Variants in PRMT8 observed in about 807,000 individuals in gnomAD.
PRMT8 encodes protein arginine methyltransferase 8, also known as protein arginine N-methyltransferase 8.
PRMT8 carries 7 observed loss-of-function variants against 47.1 expected under a neutral mutation model. The ratio of observed to expected loss-of-function variants is 0.15; its 90% CI spans 0.08 to 0.28. The LOEUF (loss-of-function observed/expected upper bound fraction) is 0.28, where lower values mean the gene tolerates loss of function less well. Among genes scored for constraint, PRMT8 ranks in the 10% least tolerant of loss-of-function variants. The pLI, the probability that PRMT8 is intolerant of heterozygous loss-of-function variation, is 1.00. For synonymous variants in PRMT8, 188 were observed against 186.5 expected (o/e 1.01, Z -0.07); for missense variants, 237 against 505.4 (o/e 0.47, Z 5.09).
At chr12:3,426,499 T>C (rs1223932891) in intron 1 of PRMT8, among the ~76,000 whole-genome samples, 5 of 152,180 alleles carry the variant, frequency 3.3e-5, no homozygotes, top group African/African-American at 1.2e-4. Flanking sequence ...TCTCCCTGGA[T>C]TAAATGGTCC....
intron 1 of PRMT8, among the ~76,000 whole-genome samples, chr12:3,430,981 G>A (rs1864669883): frequency 6.6e-6 from 1 of 152,218 alleles, no homozygotes; most frequent in South Asian, 2.1e-4. Context: ...GTGCCAGGCA[G>A]GTGTGCTGGA....
Position 3,557,777 on chromosome 12 carries a change from G to A in PRMT8, c.481+4063G>A, listed in dbSNP as rs866908537. On this transcript the variant is annotated intron_variant, in intron 4 of 9. Coordinates refer to ENST00000382622, the MANE Select transcript of PRMT8 (RefSeq NM_019854.5). The surrounding 1 kb of genome is among the most constrained non-coding windows in gnomAD (Gnocchi z 4.7). ...GCTAAGGTGTGTTTGTGTGGATGCAGAAGCACCAGGAGTGCTGCTGAGCCT... is the reference window on the plus strand; with the variant it reads ...GCTAAGGTGTGTTTGTGTGGATGCAAAAGCACCAGGAGTGCTGCTGAGCCT... 1.3e-5 allele frequency among the ~76,000 whole-genome samples: 2 copies of A among 152,254 alleles called. No homozygotes were observed. The highest frequency in any genetic ancestry group is 3.4e-3 in the Middle Eastern group (1 of 294).
chr12:3,525,073 T>G (rs1385832169), intron 1 of PRMT8, among the ~76,000 whole-genome samples: 2 of 151,866 alleles, frequency 1.3e-5, no homozygotes, highest in Non-Finnish European at 2.9e-5. Flanking sequence ...AATACAAAAA[T>G]TAGCTGGGTG....
At chr12:3,519,581 G>C (rs910785539) in intron 1 of PRMT8, among the ~76,000 whole-genome samples, 1 of 152,188 alleles carries the variant, frequency 6.6e-6, no homozygotes, top group African/African-American at 2.4e-5. Context: ...TGAGGTGGGG[G>C]TAGAAAGCAT....
At chr12:3,521,178 G>A (rs564437303) in intron 1 of PRMT8, among the ~76,000 whole-genome samples, 2 of 152,330 alleles carry the variant, frequency 1.3e-5, no homozygotes, top group East Asian at 3.9e-4. Context: ...CCTGATGGGA[G>A]AGAACTAATA....
intron 1 of PRMT8, among the ~76,000 whole-genome samples, chr12:3,441,451 G>C (rs115540954): frequency 0.012 from 1,811 of 152,230 alleles, 36 homozygotes; most frequent in African/African-American, 0.042. Flanking sequence ...CTTTGCACTT[G>C]CTGTTCCTTC....
chr12:3,530,126 T>C lies in PRMT8; in HGVS notation c.76-10480T>C, dbSNP rs1188556481. On this transcript the variant is annotated intron_variant, in intron 1 of 9. Coordinates refer to ENST00000382622, the MANE Select transcript of PRMT8 (RefSeq NM_019854.5). ...GAGTACCACTGAACCCTCCAAAGAG[T>C]ATTGAGTATTATTGAGATTCTGATG... Among the ~76,000 whole-genome samples the C allele has an allele frequency of 4.6e-5, 7 of 151,980 alleles. No individual in the cohort carries two copies. In the East Asian group the frequency reaches 1.4e-3, roughly 29 times the overall value.
upstream of PRMT8, among the ~76,000 whole-genome samples, chr12:3,489,811 ACACACACACACACACACACACACGCGCG>A (rs986956920): frequency 2.3e-4 from 16 of 69,010 alleles, no homozygotes; most frequent in Admixed American, 1.2e-3. Flanking sequence ...AAGTTTTCAC[ACACACACACACACACACACACACGCGCG>A]CACACACACA....
chr12:3,443,158 T>C (rs764806535), intron 1 of PRMT8, among the ~76,000 whole-genome samples: 47 of 152,326 alleles, frequency 3.1e-4, no homozygotes, highest in Non-Finnish European at 5.7e-4. Context: ...CTACTGCCCT[T>C]GAGGATGACA....
At chr12:3,507,118 CTTTTTT>C (rs72188443) in intron 1 of PRMT8, among the ~76,000 whole-genome samples, 1 of 122,572 alleles carries the variant, frequency 8.2e-6, no homozygotes. Context: ...GGTGGCCTTT[CTTTTTT>C]TTTTTTTTTT....
chr12:3,568,339 G>C (rs560946898), intron 4 of PRMT8, among the ~76,000 whole-genome samples: 2,195 of 128,546 alleles, frequency 0.017, 41 homozygotes, highest in African/African-American at 0.061. Context: ...AGGCACACTT[G>C]GTGTAAATAA....
At chr12:3,449,789 T>C (rs934578946) in intron 1 of PRMT8, among the ~76,000 whole-genome samples, 29 of 152,242 alleles carry the variant, frequency 1.9e-4, no homozygotes, top group Admixed American at 5.9e-4. Flanking sequence ...GTTTTTGTCA[T>C]GAAATCTTTG....
rs182165236 is a variant in PRMT8, at chr12:3,570,333, A to G, written c.712+769A>G. 2.0e-5 allele frequency among the ~76,000 whole-genome samples: 3 copies of G among 152,274 alleles called. No homozygotes were observed. The highest frequency in any genetic ancestry group is 4.2e-4 in the South Asian group (2 of 4,818). ...CTGATCCTTAATGAGATTATACCAA[A>G]CATGTTTTTGTAAAGTTGAACATGG... On this transcript the variant is annotated intron_variant, in intron 6 of 9. Coordinates refer to ENST00000382622, the MANE Select transcript of PRMT8 (RefSeq NM_019854.5). The surrounding 1 kb of genome is among the most constrained non-coding windows in gnomAD (Gnocchi z 5.5).
At chr12:3,589,048 A>G (rs1867241452) in intron 8 of PRMT8, among the ~76,000 whole-genome samples, 1 of 152,246 alleles carries the variant, frequency 6.6e-6, no homozygotes, top group African/African-American at 2.4e-5. Context: ...GACCAGAGCC[A>G]TAGTTGATGG....
intron 1 of PRMT8, among the ~76,000 whole-genome samples, chr12:3,521,718 G>T (rs1865883901): frequency 6.6e-6 from 1 of 152,172 alleles, no homozygotes; most frequent in African/African-American, 2.4e-5. Flanking sequence ...CTGAGTTAAG[G>T]CCATTTCAAA....
chr12:3,545,894 C>G (rs1235763241), intron 2 of PRMT8, among the ~76,000 whole-genome samples: 1 of 152,202 alleles, frequency 6.6e-6, no homozygotes, highest in Non-Finnish European at 1.5e-5. Context: ...CATTTCATCC[C>G]CAAACTACAG....
At chr12:3,584,730 G>A (rs577810019) in intron 8 of PRMT8, among the ~76,000 whole-genome samples, 1 of 152,272 alleles carries the variant, frequency 6.6e-6, no homozygotes, top group East Asian at 1.9e-4. Flanking sequence ...ATCCATAGAT[G>A]CCTCTTTTTT....
intron 1 of PRMT8, among the ~76,000 whole-genome samples, chr12:3,458,660 G>A (rs1865002536): frequency 6.6e-6 from 1 of 152,180 alleles, no homozygotes; most frequent in Non-Finnish European, 1.5e-5. Context: ...AGTTTGGAGA[G>A]CTGCCCTGAC....
chr12:3,458,227 A>G (rs1864997551), intron 1 of PRMT8, among the ~76,000 whole-genome samples: 1 of 152,208 alleles, frequency 6.6e-6, no homozygotes, highest in Admixed American at 6.5e-5. Flanking sequence ...CTCAGTTTTC[A>G]TGGTTAGAAA....
Sources: allele counts gnomAD v4.1 joint callset (sites outside exome capture counted in the v4.1 genomes callset), GRCh38; gene constraint gnomAD v4.1.1; non-coding constraint Gnocchi (gnomAD v3.1); transcripts MANE v1.5; gene names NCBI Gene and HGNC (gene_info 2026-07-23, HGNC 2026-07-21).